Variants in ALB observed in about 807,000 individuals in gnomAD.
ALB encodes albumin.
Under a neutral mutation model 74.5 loss-of-function variants are expected in ALB, and 37 were observed. That is an observed-to-expected ratio of 0.50 (90% CI 0.38 to 0.65). ALB has a LOEUF of 0.65. Ranked by LOEUF, ALB falls within the 30% of genes least tolerant of loss-of-function variation. The pLI, the probability that ALB is intolerant of heterozygous loss-of-function variation, is 0.00. For synonymous variants in ALB, 249 were observed against 251.6 expected (o/e 0.99, Z 0.10); for missense variants, 685 against 718.7 (o/e 0.95, Z 0.54).
At chr4:73,411,899 C>G in intron 6 of ALB, 97 bp from the exon 7 acceptor site, 1 of 1,473,644 alleles carries the variant, frequency 6.8e-7, no homozygotes, top group Non-Finnish European at 9.4e-7. Context: ...TTCTGTATGT[C>G]CATTTTGAAT....
chr4:73,406,626 C>T lies in ALB; in HGVS notation c.138-3C>T, dbSNP rs747493375. ...CTACATTTTTCTACATCCTTTGTTT[C>T]AGGGTGTTGATTGCCTTTGCTCAGT... On this transcript the variant is annotated splice_region_variant and splice_polypyrimidine_tract_variant and intron_variant, in intron 2 of 14. Coordinates refer to ENST00000295897, the MANE Select transcript of ALB (RefSeq NM_000477.7). 1.2e-5 allele frequency: 19 copies of T among 1,613,338 alleles called. No homozygotes were observed. The highest frequency in any genetic ancestry group is 1.0e-4 in the Admixed American group (6 of 60,006).
intron 9 of ALB, among the ~76,000 whole-genome samples, chr4:73,415,747 A>G (rs1175600957): frequency 2.0e-5 from 3 of 152,188 alleles, no homozygotes; most frequent in African/African-American, 7.2e-5. Flanking sequence ...GCCAGGCACC[A>G]TGCACAAACA....
In ALB at chr4:73,419,654, T is replaced by C; in HGVS notation, c.1785+15T>C. 3 of 1,613,650 alleles carry C rather than the reference T, an allele frequency of 1.9e-6. No individual in the cohort carries two copies. The highest frequency in any genetic ancestry group is 2.5e-6 in the Non-Finnish European group (3 of 1,179,614). On this transcript the variant is annotated intron_variant, in intron 13 of 14. Coordinates refer to ENST00000295897, the MANE Select transcript of ALB (RefSeq NM_000477.7). ...TTGCCGAGGAGGTACTACAGTTCTCTTCATTTTAATATGTCCAGTATTCAT... is the reference window on the plus strand; with the variant it reads ...TTGCCGAGGAGGTACTACAGTTCTCCTCATTTTAATATGTCCAGTATTCAT...
Position 73,417,767 on chromosome 4 carries a change from GTGTGTGCATGTT to G in ALB, c.1428+110_1428+121del, listed in dbSNP as rs1317452580. ...TCATAAGCAGAAGGAAGTAATGTGTGTGTGTGCATGTTTGTGTGCATGTGTGTGTGCATGCAC... is the reference window on the plus strand; with the variant it reads ...TCATAAGCAGAAGGAAGTAATGTGTGTGTGTGCATGTGTGTGTGCATGCAC... On this transcript the variant is annotated intron_variant, in intron 11 of 14. Coordinates refer to ENST00000295897, the MANE Select transcript of ALB (RefSeq NM_000477.7). The G allele has an allele frequency of 1.0e-3, 1,173 of 1,161,374 alleles. 21 individuals carry two copies. The Admixed American group carries it at 0.025, about 25-fold the overall frequency. The allele number at this position is 1,161,374 out of a possible 1,614,324, so 71.9% of individuals were successfully genotyped here. A position where few individuals can be genotyped will look rare whatever the true frequency, so the allele number is the denominator to read the frequency against.
chr4:73,417,169 C>G (rs1344382287), intron 10 of ALB, among the ~76,000 whole-genome samples: 1 of 152,136 alleles, frequency 6.6e-6, no homozygotes, highest in African/African-American at 2.4e-5. Flanking sequence ...CCTATTGAGT[C>G]AGATATATTT....
In ALB at chr4:73,418,292, A is replaced by G. The variant is rs768637936; in HGVS notation, c.1633A>G (p.Arg545Gly). Residue 545 changes from arginine to glycine, a missense_variant, in exon 12 of 15, where the codon AGA becomes GGA. Arg to Gly is a moderately radical substitution (Grantham distance 125). Coordinates refer to ENST00000295897, the MANE Select transcript of ALB (RefSeq NM_000477.7). ...ADICTLSEKE[R>G]QIKKQTALVE... ...TATATGCACACTTTCTGAGAAGGAG[A>G]GACAAATCAAGAAACAAACGTGAGG... The G allele has an allele frequency of 6.2e-7, 1 of 1,613,558 alleles. No homozygotes were observed. Among genetic ancestry groups the G allele is most frequent in the Non-Finnish European group, 8.5e-7 (1 of 1,179,634 alleles).
intron 8 of ALB, 98 bp from the exon 9 acceptor site, chr4:73,414,937 T>G: frequency 4.0e-6 from 6 of 1,487,192 alleles, no homozygotes; most frequent in Non-Finnish European, 5.6e-6. Context: ...TTAGTCAAAT[T>G]AAGACTTTTG....
In ALB at chr4:73,404,349, T is replaced by A; in HGVS notation, c.22T>A (p.Ser8Thr). The A allele has an allele frequency of 6.2e-7, 1 of 1,613,782 alleles. No homozygotes were observed. The highest frequency in any genetic ancestry group is 1.1e-5 in the South Asian group (1 of 91,074). Residue 8 changes from serine (S) to threonine (T), a missense_variant, in exon 1 of 15, where the codon TCC becomes ACC. Physicochemically the swap from Ser to Thr is moderately conservative, Grantham distance 58. Coordinates refer to ENST00000295897, the MANE Select transcript of ALB (RefSeq NM_000477.7). MKWVTFI[S>T]LLFLFSSAYS... is the part of the protein sequence containing the mutation. ...CACAATGAAGTGGGTAACCTTTATTTCCCTTCTTTTTCTCTTTAGCTCGGC... is the reference window on the plus strand; with the variant it reads ...CACAATGAAGTGGGTAACCTTTATTACCCTTCTTTTTCTCTTTAGCTCGGC...
intron 13 of ALB, 103 bp from the exon 14 acceptor site, chr4:73,420,151 C>T (rs775040322): frequency 5.0e-5 from 50 of 1,009,896 alleles, no homozygotes; most frequent in African/African-American, 2.7e-4. Context: ...ATATGATGCA[C>T]GTGAAATCAC....
rs756698156 is a variant in ALB at position 73,408,674 on chromosome 4, A to G, written c.351A>G (p.Lys117=). The G allele has an allele frequency of 2.1e-5, 34 of 1,614,092 alleles. No homozygotes were observed. Among genetic ancestry groups the G allele is most frequent in the Non-Finnish European group, 2.8e-5 (33 of 1,179,962 alleles). Residue 117 remains lysine (K), a synonymous_variant, in exon 4 of 15, where the codon AAA becomes AAG. Transcript: ENST00000295897. ...GTGAAATGGCTGACTGCTGTGCAAA[A>G]CAAGAACCTGAGAGAAATGAATGCT... ...TYGEMADCCA[K]QEPERNECFL...
intron 10 of ALB, among the ~76,000 whole-genome samples, chr4:73,417,222 G>C (rs943805466): frequency 6.6e-6 from 1 of 152,122 alleles, no homozygotes; most frequent in Non-Finnish European, 1.5e-5. Context: ...AGCATATGCT[G>C]ATACATATGA....
chr4:73,412,999 G>C (rs993555498), intron 7 of ALB, among the ~76,000 whole-genome samples: 8 of 152,032 alleles, frequency 5.3e-5, no homozygotes, highest in African/African-American at 1.9e-4. Flanking sequence ...ATTTAAGGCG[G>C]TTATTTTATA....
At chr4:73,415,368 G>C (rs934074816) in intron 9 of ALB, 1 of 616,190 alleles carries the variant, frequency 1.6e-6, no homozygotes, top group Non-Finnish European at 2.8e-6. Flanking sequence ...AGAATAGAAA[G>C]ATCTGAATAG....
At chr4:73,404,552 G>T (rs930334301) in intron 1 of ALB, 146 bp downstream of exon 1, 2 of 663,242 alleles carry the variant, frequency 3.0e-6, no homozygotes, top group Non-Finnish European at 5.1e-6. Context: ...GTCTTACAAG[G>T]TTATCTTATT....
chr4:73,409,877 G>T (rs867231068), intron 5 of ALB, among the ~76,000 whole-genome samples: 1 of 152,162 alleles, frequency 6.6e-6, no homozygotes, highest in East Asian at 1.9e-4. Flanking sequence ...GCATCTAGAT[G>T]CCTGAGTTCA....
At chr4:73,419,466 T>A in intron 12 of ALB, 41 bp from the exon 13 acceptor site, 1 of 1,593,532 alleles carries the variant, frequency 6.3e-7, no homozygotes, top group Non-Finnish European at 8.5e-7. Flanking sequence ...GTGAGTAATG[T>A]TTTTTCTGTT....
At chr4:73,419,422 G>A in intron 12 of ALB, 85 bp from the exon 13 acceptor site, 2 of 1,430,358 alleles carry the variant, frequency 1.4e-6, no homozygotes, top group Non-Finnish European at 1.9e-6. Context: ...TAAATGATGG[G>A]ACTACCATCC....
rs147177161 is a variant in ALB at position 73,405,147 on chromosome 4, T to C, written c.111T>C (p.Asp37=). 79 of 1,613,684 alleles carry C rather than the reference T, an allele frequency of 4.9e-5. No individual in the cohort carries two copies. The highest frequency in any genetic ancestry group is 5.0e-5 in the Admixed American group (3 of 60,000). ...GTGAGGTTGCTCATCGGTTTAAAGA[T>C]TTGGGAGAAGAAAATTTCAAAGCCT... ...HKSEVAHRFK[D]LGEENFKALV... Residue 37 remains aspartate (D), a synonymous_variant, in exon 2 of 15, where the codon GAT becomes GAC. Transcript: ENST00000295897.
At chr4:73,413,190 A>T (rs1203469572) in intron 7 of ALB, 10 of 507,144 alleles carry the variant, frequency 2.0e-5, no homozygotes. Context: ...AAATTAATAA[A>T]TAACTGAGCT....
Sources: gnomAD v4.1 joint callset for allele counts (sites outside exome capture counted in the v4.1 genomes callset) on GRCh38, gnomAD v4.1.1 for gene constraint, MANE v1.5 for transcripts, NCBI Gene and HGNC (gene_info 2026-07-23, HGNC 2026-07-21) for gene names.